OR6N1: variants seen among roughly 807,000 people sequenced by gnomAD.
OR6N1 encodes olfactory receptor family 6 subfamily N member 1, also known as olfactory receptor 6N1.
For synonymous variants in OR6N1, 170 were observed against 150.7 expected, an observed-to-expected ratio of 1.13 and a Z score of -0.94; for missense variants, 394 against 371.7, an observed-to-expected ratio of 1.06 and a Z score of -0.49.
At chr1:158,779,343 C>T in the OR6N1 span, among the ~76,000 whole-genome samples, 1 of 152,118 alleles carries the variant, frequency 6.6e-6, no homozygotes, top group African/African-American at 2.4e-5. Context: ...TACTGACAAA[C>T]CAGCCTCTTG....
the OR6N1 span, among the ~76,000 whole-genome samples, chr1:158,839,413 CTA>C: frequency 2.0e-5 from 3 of 152,192 alleles, no homozygotes; most frequent in Admixed American, 2.0e-4. Context: ...CTGTATTCCT[CTA>C]TCCATAATCT....
chr1:158,765,804 GCGCA>G lies in OR6N1; in HGVS notation c.875_878del (p.Leu292SerfsTer9). On this transcript the variant is annotated frameshift_variant, in exon 2 of 2. Transcript: ENST00000641846. LOFTEE classifies it low-confidence loss of function (END_TRUNC). Reference sequence around the variant, plus strand: ...TCACAGCCTCCTTGATCTCCTTGTTGCGCAAGCTGTAGATGAAGGGGTTGAGGAA... The same window carrying G: ...TCACAGCCTCCTTGATCTCCTTGTTGAGCTGTAGATGAAGGGGTTGAGGAA... The G allele has an allele frequency of 6.2e-7, 1 of 1,614,140 alleles. No individual in the cohort carries two copies. Among genetic ancestry groups the G allele is most frequent in the Non-Finnish European group, 8.5e-7 (1 of 1,180,016 alleles).
At chr1:158,826,257 C>T in the OR6N1 span, among the ~76,000 whole-genome samples, 2 of 152,032 alleles carry the variant, frequency 1.3e-5, no homozygotes, top group East Asian at 1.9e-4. Flanking sequence ...TGTACACATA[C>T]CCCTGAACCT....
chr1:158,784,191 G>A, the OR6N1 span, among the ~76,000 whole-genome samples: 2 of 152,082 alleles, frequency 1.3e-5, no homozygotes, highest in East Asian at 3.9e-4. Context: ...ACCAGGATAG[G>A]CCAGATTCTT....
At chr1:158,798,264 T>A in the OR6N1 span, among the ~76,000 whole-genome samples, 4 of 151,704 alleles carry the variant, frequency 2.6e-5, no homozygotes, top group South Asian at 4.1e-4. Flanking sequence ...TGCTCCCAGA[T>A]TTTTTCTTAC....
the OR6N1 span, among the ~76,000 whole-genome samples, chr1:158,839,007 T>G: frequency 2.0e-5 from 3 of 152,332 alleles, no homozygotes; most frequent in South Asian, 6.2e-4. Context: ...TCTACCTATT[T>G]TCCTTTAACT....
At chr1:158,820,963 A>G in the OR6N1 span, among the ~76,000 whole-genome samples, 47,725 of 152,076 alleles carry the variant, frequency 0.31, 7,790 homozygotes, top group Non-Finnish European at 0.36. Flanking sequence ...TCTGGCATAG[A>G]GAAGAAGTTC....
the OR6N1 span, among the ~76,000 whole-genome samples, chr1:158,803,949 T>G: frequency 2.0e-5 from 3 of 152,154 alleles, no homozygotes; most frequent in African/African-American, 7.2e-5. Context: ...GTGCAATGGG[T>G]TCACTGTCCC....
intron 1 of OR6N1, among the ~76,000 whole-genome samples, chr1:158,768,470 T>C (rs1008190661): frequency 6.6e-6 from 1 of 152,188 alleles, no homozygotes; most frequent in African/African-American, 2.4e-5. Flanking sequence ...ATCCAGGAAC[T>C]GACTATGTTT....
chr1:158,834,744 T>C, the OR6N1 span, among the ~76,000 whole-genome samples: 1 of 152,084 alleles, frequency 6.6e-6, no homozygotes, highest in Non-Finnish European at 1.5e-5. Flanking sequence ...ATTCTGAGAG[T>C]TTCATAGTTT....
the OR6N1 span, among the ~76,000 whole-genome samples, chr1:158,799,487 G>A: frequency 2.0e-5 from 3 of 152,114 alleles, no homozygotes; most frequent in Admixed American, 6.5e-5. Flanking sequence ...TGTCAGGGAT[G>A]GTAAGGAGGG....
intron 1 of OR6N1, among the ~76,000 whole-genome samples, chr1:158,770,184 C>T (rs1003008312): frequency 1.3e-5 from 2 of 152,144 alleles, no homozygotes; most frequent in Admixed American, 1.3e-4. Flanking sequence ...AGTATTTTGT[C>T]GTCTCCTTTC....
At chr1:158,825,422 G>C in the OR6N1 span, among the ~76,000 whole-genome samples, 2 of 150,840 alleles carry the variant, frequency 1.3e-5, no homozygotes, top group Non-Finnish European at 2.9e-5. Flanking sequence ...CTGGGCAACA[G>C]AGTGAGATTC....
the OR6N1 span, among the ~76,000 whole-genome samples, chr1:158,801,291 C>T: frequency 6.6e-6 from 1 of 151,568 alleles, no homozygotes; most frequent in Non-Finnish European, 1.5e-5. Context: ...TGTTAAATGC[C>T]GGGGTTTTTT....
chr1:158,788,398 C>T, the OR6N1 span, among the ~76,000 whole-genome samples: 1 of 152,062 alleles, frequency 6.6e-6, no homozygotes, highest in Non-Finnish European at 1.5e-5. Flanking sequence ...TGTTTGTCAT[C>T]AGTTGCAAGA....
chr1:158,817,249 C>G, the OR6N1 span, among the ~76,000 whole-genome samples: 1 of 152,162 alleles, frequency 6.6e-6, no homozygotes, highest in South Asian at 2.1e-4. Flanking sequence ...AACTCCGTGA[C>G]CTGCCTCTGC....
chr1:158,807,439 C>T, the OR6N1 span, among the ~76,000 whole-genome samples: 1 of 152,190 alleles, frequency 6.6e-6, no homozygotes, highest in African/African-American at 2.4e-5. Flanking sequence ...CATACTCTAG[C>T]AGGTACTTGG....
chr1:158,778,744 G>C, the OR6N1 span, among the ~76,000 whole-genome samples: 1 of 152,222 alleles, frequency 6.6e-6, no homozygotes, highest in Non-Finnish European at 1.5e-5. Context: ...GCCGGGCATG[G>C]TGACTCACGC....
At chr1:158,809,360 A>G in the OR6N1 span, 1 of 152,596 alleles carries the variant, frequency 6.6e-6, no homozygotes, top group African/African-American at 2.4e-5. Flanking sequence ...AGCGATAAAC[A>G]TAGAATATAA....
Sources: gnomAD v4.1 joint callset for allele counts (sites outside exome capture counted in the v4.1 genomes callset) on GRCh38, gnomAD v4.1.1 for gene constraint, MANE v1.5 for transcripts, NCBI Gene and HGNC (gene_info 2026-07-23, HGNC 2026-07-21) for gene names.